The following GRM7 variants were observed in gnomAD, a reference collection of about 807,000 sequenced individuals.
GRM7 encodes the protein metabotropic glutamate receptor 7.
A neutral mutation model predicts 84.5 loss-of-function variants in GRM7; 35 were observed. That is an observed-to-expected ratio of 0.41 (90% CI 0.32 to 0.55). The LOEUF (loss-of-function observed/expected upper bound fraction) is 0.55. Ranked by LOEUF, GRM7 falls within the 20% of genes least tolerant of loss-of-function variation. The probability of loss-of-function intolerance (pLI) is 0.19; values close to 1 mark genes in which losing one functional copy is unlikely to be tolerated. For synonymous variants in GRM7, 487 were observed against 455.1 expected (o/e 1.07, Z -0.89); for missense variants, 1,003 against 1,194.6 (o/e 0.84, Z 2.36).
At chr3:7,008,161 A>C (rs1445869412) in intron 1 of GRM7, among the ~76,000 whole-genome samples, 1 of 152,034 alleles carries the variant, frequency 6.6e-6, no homozygotes, top group Admixed American at 6.6e-5. Flanking sequence ...TGGCCTTTTT[A>C]ACAGGGTCAC....
chr3:7,691,092 C>T (rs1480844370), intron 9 of GRM7: 1 of 450,156 alleles, frequency 2.2e-6, no homozygotes, highest in Non-Finnish European at 4.4e-6. Context: ...AATTAACTTT[C>T]TCTAGGAATC....
chr3:7,009,036 C>T (rs1330946823), intron 1 of GRM7, among the ~76,000 whole-genome samples: 1 of 152,118 alleles, frequency 6.6e-6, no homozygotes, highest in Non-Finnish European at 1.5e-5. Context: ...GAACTAGTGA[C>T]TTATCCTTAA....
intron 1 of GRM7, among the ~76,000 whole-genome samples, chr3:7,134,384 G>A (rs905993291): frequency 6.6e-6 from 1 of 151,988 alleles, no homozygotes; most frequent in Non-Finnish European, 1.5e-5. Context: ...AGGTGTGTAA[G>A]ATAACTAGGT....
rs150065442 is a variant in GRM7 at position 7,243,638 on chromosome 3, C to T, written c.737-55046C>T. ...CATTCATTGCCTTAGATTAAGGTCA[C>T]GTGCTCTACCTTTGTGTCAGTGTAA... On this transcript the variant is annotated intron_variant, in intron 2 of 9. Coordinates refer to ENST00000357716, the MANE Select transcript of GRM7 (RefSeq NM_000844.4). Among the ~76,000 whole-genome samples the T allele has an allele frequency of 3.9e-3, 597 of 152,196 alleles. 11 individuals carry two copies. The highest frequency in any genetic ancestry group is 1.6e-3 in the Non-Finnish European group (112 of 67,982).
chr3:7,440,954 CAT>C (rs893202029), intron 5 of GRM7, among the ~76,000 whole-genome samples: 8 of 152,260 alleles, frequency 5.3e-5, no homozygotes, highest in Admixed American at 5.2e-4. Flanking sequence ...CTGCCATGAA[CAT>C]GTGTGTGCAT....
intron 2 of GRM7, among the ~76,000 whole-genome samples, chr3:7,213,574 A>C (rs553049419): frequency 1.2e-4 from 19 of 152,338 alleles, no homozygotes; most frequent in Middle Eastern, 3.4e-3. Context: ...ATGTATATAC[A>C]GGAGGTTTAC....
At chr3:6,952,947 T>G (rs28429117) in intron 1 of GRM7, among the ~76,000 whole-genome samples, 5,737 of 152,290 alleles carry the variant, frequency 0.038, 375 homozygotes, top group African/African-American at 0.13. Flanking sequence ...CGACAATGGA[T>G]AGTTGACTGC....
chr3:7,167,142 T>C (rs1694825143), intron 2 of GRM7, among the ~76,000 whole-genome samples: 1 of 152,210 alleles, frequency 6.6e-6, no homozygotes, highest in African/African-American at 2.4e-5. Context: ...ATCAATCAAA[T>C]ATTTCCTCAT....
At chr3:7,331,976 T>C (rs1162155809) in intron 4 of GRM7, among the ~76,000 whole-genome samples, 1 of 151,792 alleles carries the variant, frequency 6.6e-6, no homozygotes, top group South Asian at 2.1e-4. Context: ...GAGAGAGGAG[T>C]GTGACTCAGA....
chr3:7,257,525 TTC>T (rs1698252604), intron 2 of GRM7, among the ~76,000 whole-genome samples: 1 of 152,152 alleles, frequency 6.6e-6, no homozygotes, highest in African/African-American at 2.4e-5. Context: ...TTCTGTTCGC[TTC>T]TCTTTCTCTC....
chr3:7,371,174 G>C (rs1261747611), intron 4 of GRM7, among the ~76,000 whole-genome samples: 1 of 152,066 alleles, frequency 6.6e-6, no homozygotes, highest in African/African-American at 2.4e-5. Context: ...AAAAAACATA[G>C]ATTGCAGACC....
chr3:6,861,981 C>G lies in GRM7; in HGVS notation c.519+74C>G. The stretch of plus-strand genomic sequence containing the variant: ...CCTTAACCCTAAAAGCTGGCTTGGA[C>G]TCCGGTGGTGCGGGTCAGGTCAGCC... On this transcript the variant is annotated intron_variant, in intron 1 of 9. Transcript: ENST00000357716. The surrounding 1 kb of genome is among the most constrained non-coding windows in gnomAD (Gnocchi z 6.4). The G allele has an allele frequency of 7.7e-7, 1 of 1,294,186 alleles. No individual in the cohort carries two copies. The highest frequency in any genetic ancestry group is 1.4e-5 in the South Asian group (1 of 71,968). 80.2% of individuals were successfully genotyped at this position (1,294,186 alleles called of 1,614,324 possible).
chr3:7,595,798 G>A (rs1696014338), intron 8 of GRM7, among the ~76,000 whole-genome samples: 1 of 152,106 alleles, frequency 6.6e-6, no homozygotes, highest in African/African-American at 2.4e-5. Context: ...CAGTAAGGAG[G>A]ACCCTGTGTC....
chr3:7,502,150 G>A (rs1342852564), intron 7 of GRM7, among the ~76,000 whole-genome samples: 1 of 151,886 alleles, frequency 6.6e-6, no homozygotes, highest in Non-Finnish European at 1.5e-5. Context: ...AACTAACATC[G>A]CACTCTTGCA....
At chr3:7,697,232 ACAT>A (rs889999507) in intron 9 of GRM7, among the ~76,000 whole-genome samples, 49 of 152,348 alleles carry the variant, frequency 3.2e-4, no homozygotes, top group African/African-American at 1.1e-3. Context: ...TTTAAAAATT[ACAT>A]CATCATCAAT....
chr3:7,098,556 G>T (rs915979732), intron 1 of GRM7, among the ~76,000 whole-genome samples: 1 of 151,840 alleles, frequency 6.6e-6, no homozygotes, highest in South Asian at 2.1e-4. Flanking sequence ...ACATATTTAT[G>T]CATTCTACCC....
At chr3:7,511,613 C>G (rs772273803) in intron 7 of GRM7, among the ~76,000 whole-genome samples, 4 of 152,218 alleles carry the variant, frequency 2.6e-5, no homozygotes, top group African/African-American at 7.2e-5. Context: ...AGTGACTGAA[C>G]ACCTGGGAGC....
chr3:7,633,507 C>T (rs760421323), intron 8 of GRM7, among the ~76,000 whole-genome samples: 2 of 151,926 alleles, frequency 1.3e-5, no homozygotes, highest in African/African-American at 4.8e-5. Flanking sequence ...TGTAAGAAGC[C>T]GAGTGGGGCT....
At chr3:7,458,079 T>C (rs1016883766) in intron 6 of GRM7, among the ~76,000 whole-genome samples, 3 of 152,114 alleles carry the variant, frequency 2.0e-5, no homozygotes, top group Non-Finnish European at 4.4e-5. Flanking sequence ...GAACAGAAAA[T>C]GTGTCTAGTA....
Sources: allele counts gnomAD v4.1 joint callset (sites outside exome capture counted in the v4.1 genomes callset), GRCh38; gene constraint gnomAD v4.1.1; non-coding constraint Gnocchi (gnomAD v3.1); transcripts MANE v1.5; gene names NCBI Gene and HGNC (gene_info 2026-07-23, HGNC 2026-07-21).